Variants in PDE3A observed in about 807,000 individuals in gnomAD.
PDE3A encodes the protein phosphodiesterase 3A, also known as cGMP-inhibited 3',5'-cyclic phosphodiesterase 3A.
Under a neutral mutation model 98.3 loss-of-function variants are expected in PDE3A, and 43 were observed. The observed-to-expected ratio is 0.44, with a 90% CI of 0.34 to 0.56. The LOEUF is 0.56. PDE3A is among the 20% of genes least tolerant of loss of function. PDE3A has a pLI of 0.01. For synonymous variants in PDE3A, 663 were observed against 567.9 expected (o/e 1.17, Z -2.38); for missense variants, 1,427 against 1,440.7 (o/e 0.99, Z 0.15).
At chr12:20,562,590 C>T (rs1436837645) in intron 2 of PDE3A, among the ~76,000 whole-genome samples, 1 of 151,890 alleles carries the variant, frequency 6.6e-6, no homozygotes, top group African/African-American at 2.4e-5. Flanking sequence ...ATTTACTTAT[C>T]ACTTAGTGGA....
chr12:20,514,825 TA>T (rs1285724635), intron 1 of PDE3A, among the ~76,000 whole-genome samples: 1 of 152,236 alleles, frequency 6.6e-6, no homozygotes, highest in Non-Finnish European at 1.5e-5. Flanking sequence ...GCATGTGACC[TA>T]ACCCAAGTTT....
rs1483988265 is a variant in PDE3A, at chr12:20,686,390, T to C, written c.*6119T>C. On this transcript the variant is annotated 3_prime_UTR_variant, in exon 16 of 16. Transcript: ENST00000359062. ...ACACAAAAGGCCAAATACTTATCTT[T>C]CCTACTAAGAAAAATTAAACCTTAC... is the stretch of plus-strand genomic sequence containing the variant. Among the ~76,000 whole-genome samples the C allele has an allele frequency of 2.0e-5, 3 of 152,152 alleles. No individual in the cohort carries two copies. The highest frequency in any genetic ancestry group is 4.4e-5 in the Non-Finnish European group (3 of 68,008).
At chr12:20,672,695 A>C (rs1232714325) in intron 15 of PDE3A, among the ~76,000 whole-genome samples, 1 of 124,872 alleles carries the variant, frequency 8.0e-6, no homozygotes, top group Admixed American at 8.5e-5. Flanking sequence ...TACAAAAATC[A>C]ATTCAAGATG....
At chr12:20,565,707 G>A (rs1264251731) in intron 2 of PDE3A, among the ~76,000 whole-genome samples, 1 of 151,790 alleles carries the variant, frequency 6.6e-6, no homozygotes, top group African/African-American at 2.4e-5. Context: ...AAAAACACAG[G>A]ATACAGGCTT....
At chr12:20,610,519 A>T (rs1016803846) in intron 2 of PDE3A, among the ~76,000 whole-genome samples, 1 of 151,938 alleles carries the variant, frequency 6.6e-6, no homozygotes, top group Non-Finnish European at 1.5e-5. Context: ...ATAGAACTAT[A>T]TGATCCAAAT....
rs78756360 is a variant in PDE3A at position 20,533,343 on chromosome 12, A to T, written c.961-23317A>T. On this transcript the variant is annotated intron_variant, in intron 1 of 15. Coordinates refer to ENST00000359062, the MANE Select transcript of PDE3A (RefSeq NM_000921.5). ...GTTATCCATGTTCCCTATCTCCTCCATTCCTATTGTCTCTGCCTTGACTCA... is the reference window on the plus strand; with the variant it reads ...GTTATCCATGTTCCCTATCTCCTCCTTTCCTATTGTCTCTGCCTTGACTCA... Among the ~76,000 whole-genome samples the T allele has an allele frequency of 1.4e-4, 21 of 151,814 alleles. No individual in the cohort carries two copies. The East Asian group carries it at 4.1e-3, about 30-fold the overall frequency.
intron 1 of PDE3A, chr12:20,551,812 CG>C: frequency 1.2e-6 from 2 of 1,613,974 alleles, no homozygotes; most frequent in Admixed American, 3.3e-5. Context: ...GTCCTCACAG[CG>C]GGACTGGGAC....
chr12:20,610,491 T>C (rs1943822154), intron 2 of PDE3A, among the ~76,000 whole-genome samples: 1 of 151,904 alleles, frequency 6.6e-6, no homozygotes, highest in Non-Finnish European at 1.5e-5. Flanking sequence ...AGTATAACGG[T>C]TCTTAAGAAA....
intron 15 of PDE3A, among the ~76,000 whole-genome samples, chr12:20,672,216 G>A (rs1408062635): frequency 1.4e-5 from 2 of 148,032 alleles, no homozygotes; most frequent in African/African-American, 5.1e-5. Flanking sequence ...ACAAATGGAA[G>A]AACATTCCAT....
At chr12:20,397,291 T>A (rs913736009) in intron 1 of PDE3A, among the ~76,000 whole-genome samples, 2 of 152,066 alleles carry the variant, frequency 1.3e-5, no homozygotes, top group Non-Finnish European at 2.9e-5. Flanking sequence ...TTCTAGTAAA[T>A]CATAGTTAAA....
intron 1 of PDE3A, among the ~76,000 whole-genome samples, chr12:20,423,977 T>A (rs1944564480): frequency 6.6e-6 from 1 of 151,844 alleles, no homozygotes; most frequent in Non-Finnish European, 1.5e-5. Flanking sequence ...GTGAGTGGAG[T>A]TATTGTGTTT....
At chr12:20,520,933 G>C (rs1946412861) in intron 1 of PDE3A, among the ~76,000 whole-genome samples, 1 of 152,344 alleles carries the variant, frequency 6.6e-6, no homozygotes, top group Non-Finnish European at 1.5e-5. Context: ...GAGATCCAGA[G>C]GGGAGACCTT....
intron 1 of PDE3A, among the ~76,000 whole-genome samples, chr12:20,445,168 T>TCCATTCTGTTAG (rs1555146788): frequency 1.3e-4 from 20 of 152,186 alleles, no homozygotes; most frequent in Non-Finnish European, 2.4e-4. Context: ...CATGTTATAC[T>TCCATTCTGTTAG]GCTTACAGTA....
At chr12:20,583,571 T>C (rs1416581533) in intron 2 of PDE3A, among the ~76,000 whole-genome samples, 2 of 152,032 alleles carry the variant, frequency 1.3e-5, no homozygotes, top group African/African-American at 4.8e-5. Context: ...ACTTACTAGA[T>C]GGGAGACCTT....
intron 2 of PDE3A, among the ~76,000 whole-genome samples, chr12:20,586,183 A>G (rs1293127621): frequency 6.6e-6 from 1 of 152,222 alleles, no homozygotes; most frequent in Non-Finnish European, 1.5e-5. Flanking sequence ...GTTAAGAAGA[A>G]ACCACAAAGA....
At chr12:20,624,663 T>C (rs550422775) in intron 5 of PDE3A, among the ~76,000 whole-genome samples, 3 of 152,158 alleles carry the variant, frequency 2.0e-5, no homozygotes, top group Admixed American at 1.3e-4. Context: ...GTTTATAAAA[T>C]AACCTATATC....
chr12:20,473,071 T>A (rs1255193570), intron 1 of PDE3A, among the ~76,000 whole-genome samples: 5 of 152,158 alleles, frequency 3.3e-5, no homozygotes, highest in African/African-American at 7.2e-5. Flanking sequence ...GTAAGATAGA[T>A]CTTAGAAATG....
intron 1 of PDE3A, among the ~76,000 whole-genome samples, chr12:20,470,666 AAAT>A (rs1176305383): frequency 6.6e-6 from 1 of 152,168 alleles, no homozygotes; most frequent in African/African-American, 2.4e-5. Context: ...TTTTCTTCTT[AAAT>A]AATAATCTTG....
intron 2 of PDE3A, among the ~76,000 whole-genome samples, chr12:20,566,208 T>A (rs930317696): frequency 1.3e-5 from 2 of 151,930 alleles, no homozygotes; most frequent in Non-Finnish European, 2.9e-5. Context: ...TTGGCGGAGT[T>A]TTTTTTTCTC....
Sources: allele counts gnomAD v4.1 joint callset (sites outside exome capture counted in the v4.1 genomes callset), GRCh38; gene constraint gnomAD v4.1.1; transcripts MANE v1.5; gene names NCBI Gene and HGNC (gene_info 2026-07-23, HGNC 2026-07-21).